NXN: variants seen among roughly 807,000 people sequenced by gnomAD.
The protein encoded by NXN is nucleoredoxin, also known as nucleoredoxin 1.
NXN carries 16 observed loss-of-function variants against 48.6 expected under a neutral mutation model. The ratio of observed to expected loss-of-function variants is 0.33; its 90% CI spans 0.22 to 0.50. The LOEUF is 0.50. Among genes scored for constraint, NXN ranks in the 20% least tolerant of loss-of-function variants. The probability of loss-of-function intolerance (pLI) is 0.98; values close to 1 mark genes in which losing one functional copy is unlikely to be tolerated. For synonymous variants in NXN, 281 were observed against 269.6 expected (o/e 1.04, Z -0.41); for missense variants, 492 against 605.5 (o/e 0.81, Z 1.97).
intron 1 of NXN, among the ~76,000 whole-genome samples, chr17:883,240 T>A (rs1158298745): frequency 6.6e-6 from 1 of 152,118 alleles, no homozygotes; most frequent in Non-Finnish European, 1.5e-5. Flanking sequence ...ACGGTGTCAA[T>A]CAGGCCAGTA....
rs909498042 is a variant in NXN at position 978,980 on chromosome 17, C to T, written c.360+339G>A. On this transcript the variant is annotated intron_variant, in intron 1 of 7. Transcript: ENST00000336868. This position sits in a 1 kb window ranked among gnomAD's most constrained non-coding sequence, Gnocchi z 4.1. Reference sequence around the variant, plus strand: ...AGCCGCCCCCACCCGAGGCTCCCAGCGTGTGCGGACGGAGGGGCTCGAGCC... The same window carrying T: ...AGCCGCCCCCACCCGAGGCTCCCAGTGTGTGCGGACGGAGGGGCTCGAGCC... 6.7e-6 allele frequency among the ~76,000 whole-genome samples: 1 copy of T among 150,254 alleles called. No individual in the cohort carries two copies. Among genetic ancestry groups the T allele is most frequent in the South Asian group, 2.1e-4 (1 of 4,730 alleles).
At chr17:843,010 A>AAGAG (rs1224931131) in intron 1 of NXN, among the ~76,000 whole-genome samples, 1,315 of 84,170 alleles carry the variant, frequency 0.016, 8 homozygotes, top group Middle Eastern at 0.024. Flanking sequence ...GAAAGAGAGA[A>AAGAG]AGAAAGAAAG....
chr17:806,815 T>C (rs1911561579), intron 5 of NXN, among the ~76,000 whole-genome samples: 1 of 152,034 alleles, frequency 6.6e-6, no homozygotes, highest in Non-Finnish European at 1.5e-5. Flanking sequence ...AATCAACGAA[T>C]CCATTATGTT....
rs1257826170 is a variant in NXN at position 806,212 on chromosome 17, C to T, written c.821-965G>A. Among the ~76,000 whole-genome samples, 3 of 117,466 alleles carry T rather than the reference C, an allele frequency of 2.6e-5. 1 individual carries two copies. The highest frequency in any genetic ancestry group is 1.6e-4 in the Admixed American group (2 of 12,782). 77.1% of individuals were successfully genotyped at this position (117,466 alleles called of 152,430 possible). On this transcript the variant is annotated intron_variant, in intron 5 of 7. Coordinates refer to ENST00000336868, the MANE Select transcript of NXN (RefSeq NM_022463.5). Reference sequence around the variant, plus strand: ...CCCTCCCCAGGGCTGCAGCCCCCGCCGTCTGCACCCCAGCACAACCCCCTC... The same window carrying T: ...CCCTCCCCAGGGCTGCAGCCCCCGCTGTCTGCACCCCAGCACAACCCCCTC...
intron 5 of NXN, 185 bp downstream of exon 5, chr17:819,254 C>T: frequency 1.6e-6 from 1 of 637,586 alleles, no homozygotes; most frequent in Non-Finnish European, 2.8e-6. Context: ...CCTGACAATA[C>T]TTATTTTTTA....
rs570948382 is a variant in NXN at position 884,065 on chromosome 17, C to T, written c.361-57987G>A. 2.8e-3 allele frequency among the ~76,000 whole-genome samples: 419 copies of T among 151,920 alleles called. 1 individual carries two copies. Among genetic ancestry groups the T allele is most frequent in the Non-Finnish European group, 4.9e-3 (330 of 67,920 alleles). On this transcript the variant is annotated intron_variant, in intron 1 of 7. Transcript: ENST00000336868. Reference sequence around the variant, plus strand: ...AACCCTGTCTCTACTAAAAAAAATACAAAAAGTTAGCCGGGCGTGGTGGTG... The same window carrying T: ...AACCCTGTCTCTACTAAAAAAAATATAAAAAGTTAGCCGGGCGTGGTGGTG...
In NXN at chr17:892,051, C is replaced by T. The variant is rs1477243634; in HGVS notation, c.361-65973G>A. 4.0e-5 allele frequency among the ~76,000 whole-genome samples: 6 copies of T among 149,446 alleles called. No homozygotes were observed. In the East Asian group the frequency reaches 1.2e-3, roughly 30 times the overall value. ...CCACCATGCACAACCCAACAGGGAA[C>T]CTAAACTAACCCCACCATGCACAAC... On this transcript the variant is annotated intron_variant, in intron 1 of 7. Transcript: ENST00000336868.
chr17:834,394 T>A (rs1913669031), intron 1 of NXN, among the ~76,000 whole-genome samples: 1 of 152,142 alleles, frequency 6.6e-6, no homozygotes, highest in Non-Finnish European at 1.5e-5. Context: ...GTTTGCTCTG[T>A]CTAGAGATCA....
chr17:865,009 G>A (rs992515578), intron 1 of NXN, among the ~76,000 whole-genome samples: 5 of 152,152 alleles, frequency 3.3e-5, no homozygotes, highest in Admixed American at 2.6e-4. Flanking sequence ...CTAGAACCAC[G>A]CCTGGTTTAT....
intron 1 of NXN, among the ~76,000 whole-genome samples, chr17:906,953 G>A (rs2068587252): frequency 6.6e-6 from 1 of 152,028 alleles, no homozygotes; most frequent in African/African-American, 2.4e-5. Flanking sequence ...TCCTCAAACA[G>A]CAGCAGCATC....
chr17:799,650 C>T lies in NXN; in HGVS notation c.*1299G>A, dbSNP rs1301798393. ...TCTGTTTCTCTTTCGGGGGTCAGGT[C>T]AGCCCAAGTAAGAGGCCAACAACCT... On this transcript the variant is annotated 3_prime_UTR_variant, in exon 8 of 8. Transcript: ENST00000336868. The T allele has an allele frequency of 6.6e-6, 1 of 152,268 alleles. No homozygotes were observed. The highest frequency in any genetic ancestry group is 1.9e-4 in the East Asian group (1 of 5,198). 9.4% of individuals were successfully genotyped at this position (152,268 alleles called of 1,614,324 possible).
At chr17:896,114 C>T (rs1254453835) in intron 1 of NXN, among the ~76,000 whole-genome samples, 1 of 151,380 alleles carries the variant, frequency 6.6e-6, no homozygotes, top group African/African-American at 2.4e-5. Context: ...CTGAGGCAGG[C>T]GGATCACCTG....
chr17:823,552 C>G lies in NXN; in HGVS notation c.612+80G>C, dbSNP rs575113103. 8.2e-5 allele frequency: 127 copies of G among 1,556,868 alleles called. No individual in the cohort carries two copies. In the African/African-American group the frequency reaches 1.4e-3, roughly 17 times the overall value. On this transcript the variant is annotated intron_variant, in intron 3 of 7. Coordinates refer to ENST00000336868, the MANE Select transcript of NXN (RefSeq NM_022463.5). ...AAATTCCTGCCTGGGTGTCTCACCC[C>G]CAGAAGCCAACCACAGCTGGGCCTG...
At chr17:953,914 TG>T (rs1318487849) in intron 1 of NXN, among the ~76,000 whole-genome samples, 1 of 152,170 alleles carries the variant, frequency 6.6e-6, no homozygotes, top group African/African-American at 2.4e-5. Flanking sequence ...CCAGCCTGCG[TG>T]ACGGGTGCGG....
At chr17:845,939 T>C (rs2144730486) in intron 1 of NXN, among the ~76,000 whole-genome samples, 1 of 152,092 alleles carries the variant, frequency 6.6e-6, no homozygotes, top group South Asian at 2.1e-4. Context: ...GGCTCATGCC[T>C]GTAATCCCAG....
intron 1 of NXN, among the ~76,000 whole-genome samples, chr17:838,559 G>A (rs185913648): frequency 6.4e-4 from 97 of 152,326 alleles, no homozygotes; most frequent in African/African-American, 2.1e-3. Context: ...GTGAGACGCC[G>A]AGTCGGCTTT....
intron 1 of NXN, among the ~76,000 whole-genome samples, chr17:940,129 G>A (rs1236288504): frequency 2.1e-5 from 3 of 143,538 alleles, no homozygotes; most frequent in African/African-American, 5.0e-5. Context: ...GGTAGAGATC[G>A]AGGTGGGGGG....
chr17:803,973 G>T (rs2144563646), intron 6 of NXN, 167 bp from the exon 7 acceptor site: 1 of 811,788 alleles, frequency 1.2e-6, no homozygotes, highest in Non-Finnish European at 1.9e-6. Flanking sequence ...GCATGCATGG[G>T]TGTGTGTGCA....
chr17:812,883 CAT>C (rs558916111), intron 5 of NXN, among the ~76,000 whole-genome samples: 93 of 126,802 alleles, frequency 7.3e-4, no homozygotes, highest in African/African-American at 2.8e-3. Flanking sequence ...TGTGTGCGCA[CAT>C]GTGAATGTAG....
Sources: gnomAD v4.1 joint callset for allele counts (sites outside exome capture counted in the v4.1 genomes callset) on GRCh38, gnomAD v4.1.1 for gene constraint, Gnocchi (gnomAD v3.1) non-coding constraint, MANE v1.5 for transcripts, NCBI Gene and HGNC (gene_info 2026-07-23, HGNC 2026-07-21) for gene names.